Variants in NPRL3 observed in about 807,000 individuals in gnomAD.
NPRL3 encodes GATOR1 complex protein NPRL3.
Under a neutral mutation model 57.2 loss-of-function variants are expected in NPRL3, and 23 were observed. That is an observed-to-expected ratio of 0.40 (90% CI 0.29 to 0.57). The LOEUF (loss-of-function observed/expected upper bound fraction) is 0.57. Ranked by LOEUF, NPRL3 falls within the 20% of genes least tolerant of loss-of-function variation. NPRL3 has a pLI of 0.42. For synonymous variants in NPRL3, 333 were observed against 321.1 expected, an observed-to-expected ratio of 1.04 and a Z score of -0.39; for missense variants, 691 against 767.1, an observed-to-expected ratio of 0.90 and a Z score of 1.17.
At chr16:94,711 G>A (rs939249764) in intron 9 of NPRL3, among the ~76,000 whole-genome samples, 2 of 152,140 alleles carry the variant, frequency 1.3e-5, no homozygotes, top group Non-Finnish European at 2.9e-5. Flanking sequence ...AAGATTGTGC[G>A]AGTAGTGCCC....
intron 12 of NPRL3, 97 bp downstream of exon 12, chr16:89,616 G>T: frequency 1.7e-6 from 2 of 1,149,106 alleles, no homozygotes; most frequent in Non-Finnish European, 2.3e-6. Context: ...CTGTGTGGAG[G>T]CCCCTCATCA....
At chr16:131,338 G>A (rs2141982610) in intron 2 of NPRL3, among the ~76,000 whole-genome samples, 1 of 151,364 alleles carries the variant, frequency 6.6e-6, no homozygotes, top group South Asian at 2.1e-4. Context: ...AATTAGCCGG[G>A]CGTGGTGGTG....
Position 92,932 on chromosome 16 carries a change from T to C in NPRL3, c.1032-207A>G. On this transcript the variant is annotated intron_variant, in intron 10 of 13. Transcript: ENST00000611875. ...GCAGCAGCAGGAGCCATGGGCACAG[T>C]TCATCCTGCATCTCACCTCTGATCC... 7.8e-6 allele frequency: 5 copies of C among 644,700 alleles called. No homozygotes were observed. The East Asian group carries it at 1.4e-4, about 18-fold the overall frequency. 39.9% of individuals were successfully genotyped at this position (644,700 alleles called of 1,614,324 possible). A position where few individuals can be genotyped will look rare whatever the true frequency, so the allele number is the denominator to read the frequency against.
At chr16:104,315 TA>T (rs200810576) in intron 7 of NPRL3, among the ~76,000 whole-genome samples, 1 of 150,918 alleles carries the variant, frequency 6.6e-6, no homozygotes, top group Non-Finnish European at 1.5e-5. Context: ...AATTAACGTT[TA>T]AAAAAAAAGA....
intron 11 of NPRL3, 144 bp downstream of exon 11, chr16:92,452 T>C (rs1184071144): frequency 1.9e-6 from 2 of 1,030,742 alleles, no homozygotes; most frequent in East Asian, 5.5e-5. Context: ...GCTGGGCACG[T>C]AGCACTTGCA....
intron 9 of NPRL3, among the ~76,000 whole-genome samples, chr16:95,342 T>TACACAC (rs1296717310): frequency 1.4e-4 from 8 of 55,620 alleles, no homozygotes; most frequent in African/African-American, 2.9e-4. Flanking sequence ...TATATATATA[T>TACACAC]ATATATATAC....
chr16:100,973 A>AAAAAAAAAAAAAAC, intron 7 of NPRL3, among the ~76,000 whole-genome samples: 1 of 145,402 alleles, frequency 6.9e-6, no homozygotes, highest in African/African-American at 2.5e-5. Context: ...TCTGTCTCAA[A>AAAAAAAAAAAAAAC]AAAAAAAAAA....
chr16:136,627 T>C (rs1173489222), intron 2 of NPRL3, among the ~76,000 whole-genome samples: 4 of 147,324 alleles, frequency 2.7e-5, no homozygotes, highest in Non-Finnish European at 4.5e-5. Context: ...GGGTCGGAGG[T>C]TGCGGTGAGC....
At chr16:116,796 C>CCG (rs1555443785) in intron 5 of NPRL3, among the ~76,000 whole-genome samples, 1 of 144,606 alleles carries the variant, frequency 6.9e-6, no homozygotes, top group Non-Finnish European at 1.5e-5. Context: ...GACCCCCCCC[C>CCG]CCCACCGATC....
chr16:93,903 A>C (rs1167217559), intron 9 of NPRL3, among the ~76,000 whole-genome samples: 1 of 152,090 alleles, frequency 6.6e-6, no homozygotes, highest in Non-Finnish European at 1.5e-5. Context: ...GTTTGGTGGC[A>C]CTGTTTTCCC....
chr16:105,231 G>A (rs1053117334), intron 7 of NPRL3, among the ~76,000 whole-genome samples: 40 of 152,146 alleles, frequency 2.6e-4, no homozygotes, highest in African/African-American at 9.7e-4. Flanking sequence ...CACTCTCGCC[G>A]TTCATCTCCA....
At chr16:92,956 C>A (rs1198500065) in intron 10 of NPRL3, 4 of 622,690 alleles carry the variant, frequency 6.4e-6, no homozygotes, top group Non-Finnish European at 1.1e-5. Context: ...CACCTCTGAT[C>A]CCTCAAGGTG....
At chr16:103,498 C>G (rs1662294193) in intron 7 of NPRL3, among the ~76,000 whole-genome samples, 1 of 151,758 alleles carries the variant, frequency 6.6e-6, no homozygotes, top group African/African-American at 2.4e-5. Context: ...GTTGGGACAC[C>G]ACAGAATCAG....
At chr16:97,898 G>A (rs1018663777) in intron 9 of NPRL3, among the ~76,000 whole-genome samples, 2 of 152,050 alleles carry the variant, frequency 1.3e-5, no homozygotes, top group Admixed American at 6.5e-5. Context: ...TCACAGACTC[G>A]CCTTACCTCT....
rs555536480 is a variant in NPRL3, at chr16:86,441, C to G, written c.*264G>C. On this transcript the variant is annotated 3_prime_UTR_variant, in exon 14 of 14. Coordinates refer to ENST00000611875, the MANE Select transcript of NPRL3 (RefSeq NM_001077350.3). Reference sequence around the variant, plus strand: ...CAGAGACAGGAGTCCTGGCAGGCCCCCCTCCAGCGTGGAGATGCCTACGCG... The same window carrying G: ...CAGAGACAGGAGTCCTGGCAGGCCCGCCTCCAGCGTGGAGATGCCTACGCG... The G allele has an allele frequency of 1.2e-4, 56 of 460,284 alleles. No homozygotes were observed. The East Asian group carries it at 1.2e-3, about 10-fold the overall frequency. 28.5% of individuals were successfully genotyped at this position (460,284 alleles called of 1,614,324 possible). A position where few individuals can be genotyped will look rare whatever the true frequency, so the allele number is the denominator to read the frequency against.
In NPRL3 at chr16:103,296, A is replaced by ATTTTTTTTTTTTTTTTTTTTTTTTTTT. The variant is rs533871530; in HGVS notation, c.630-2814_630-2788dup. ...GACGTGCAACATCACGCCTGGGGTG[A>ATTTTTTTTTTTTTTTTTTTTTTTTTTT]TTTTTTTTTTTTTTTTTTTTTTTTT... On this transcript the variant is annotated intron_variant, in intron 7 of 13. Coordinates refer to ENST00000611875, the MANE Select transcript of NPRL3 (RefSeq NM_001077350.3). 2.6e-4 allele frequency among the ~76,000 whole-genome samples: 11 copies of ATTTTTTTTTTTTTTTTTTTTTTTTTTT among 42,126 alleles called. 1 individual carries two copies. Among genetic ancestry groups the ATTTTTTTTTTTTTTTTTTTTTTTTTTT allele is most frequent in the Non-Finnish European group, 3.3e-4 (8 of 24,112 alleles). 27.6% of individuals were successfully genotyped at this position (42,126 alleles called of 152,430 possible). A position where few individuals can be genotyped will look rare whatever the true frequency, so the allele number is the denominator to read the frequency against.
At chr16:132,300 C>G (rs574730329) in intron 2 of NPRL3, among the ~76,000 whole-genome samples, 1 of 152,192 alleles carries the variant, frequency 6.6e-6, no homozygotes, top group African/African-American at 2.4e-5. Flanking sequence ...AGTCACCACA[C>G]TCAGCCCAGA....
intron 3 of NPRL3, among the ~76,000 whole-genome samples, chr16:127,944 T>C (rs568660190): frequency 2.4e-4 from 37 of 151,874 alleles, no homozygotes; most frequent in South Asian, 1.9e-3. Flanking sequence ...CTTGAGCCAC[T>C]GCGCCCGGCC....
intron 2 of NPRL3, among the ~76,000 whole-genome samples, chr16:132,962 C>T (rs1017674721): frequency 6.6e-6 from 1 of 152,164 alleles, no homozygotes; most frequent in Non-Finnish European, 1.5e-5. Context: ...AGCCACCGCA[C>T]CCGGCCCACC....
Sources: gnomAD v4.1 joint callset for allele counts (sites outside exome capture counted in the v4.1 genomes callset) on GRCh38, gnomAD v4.1.1 for gene constraint, MANE v1.5 for transcripts, NCBI Gene and HGNC (gene_info 2026-07-23, HGNC 2026-07-21) for gene names.